ZC3H11A: variants seen among roughly 807,000 people sequenced by gnomAD.
The protein encoded by ZC3H11A is zinc finger CCCH domain-containing protein 11A.
In ZC3H11A, 22 loss-of-function variants were observed where a neutral mutation model predicts 90.8. The ratio of observed to expected loss-of-function variants is 0.24; its 90% CI spans 0.17 to 0.35. The LOEUF is 0.35. Among genes scored for constraint, ZC3H11A ranks in the 10% least tolerant of loss-of-function variants. ZC3H11A has a pLI of 1.00. For missense variants in ZC3H11A, 701 were observed against 964.9 expected (o/e 0.73, Z 3.62); for synonymous variants, 294 against 339.8 (o/e 0.87, Z 1.48).
At chr1:203,832,819 A>G (rs191788338) in intron 9 of ZC3H11A, among the ~76,000 whole-genome samples, 11 of 152,378 alleles carry the variant, frequency 7.2e-5, no homozygotes, top group East Asian at 3.8e-4. Flanking sequence ...GACAGTTAAC[A>G]TCGGAGTAGA....
intron 4 of ZC3H11A, among the ~76,000 whole-genome samples, chr1:203,826,798 A>G (rs61559537): frequency 0.13 from 19,218 of 152,200 alleles, 1,595 homozygotes; most frequent in East Asian, 0.29. Flanking sequence ...AGTACTTCTC[A>G]TATCTTTTTT....
intron 4 of ZC3H11A, among the ~76,000 whole-genome samples, chr1:203,821,438 T>G (rs1220985394): frequency 1.3e-5 from 2 of 152,184 alleles, no homozygotes; most frequent in African/African-American, 4.8e-5. Context: ...ACTTTTATGC[T>G]CCGATTGACC....
rs1312813645 is a variant in ZC3H11A, at chr1:203,795,631, G to T, written c.-1751G>T. Reference sequence around the variant, plus strand: ...TTTACCGGCCGGGCCTTAGAGCGGAGCCTGTAGCCAGGCGCCATCTTTGAC... The same window carrying T: ...TTTACCGGCCGGGCCTTAGAGCGGATCCTGTAGCCAGGCGCCATCTTTGAC... On this transcript the variant is annotated 5_prime_UTR_variant, in exon 1 of 18. Transcript: ENST00000367210. The T allele has an allele frequency of 6.6e-6, 1 of 152,236 alleles. No homozygotes were observed. Among genetic ancestry groups the T allele is most frequent in the Non-Finnish European group, 1.5e-5 (1 of 68,060 alleles). 9.4% of individuals were successfully genotyped at this position (152,236 alleles called of 1,614,324 possible).
chr1:203,804,503 C>T lies in ZC3H11A; in HGVS notation c.-146+1487C>T, dbSNP rs78803398. The stretch of plus-strand genomic sequence containing the variant: ...TGGTCTCTTCCTGTATATCTTTTTA[C>T]TGTGAGTGGTACTCTGCCATCATCT... On this transcript the variant is annotated intron_variant, in intron 2 of 17. Transcript: ENST00000367210. 3.3e-5 allele frequency among the ~76,000 whole-genome samples: 5 copies of T among 152,096 alleles called. 1 individual carries two copies. In the East Asian group the frequency reaches 5.8e-4, roughly 18 times the overall value.
chr1:203,843,855 G>A (rs1329908178), intron 12 of ZC3H11A, among the ~76,000 whole-genome samples: 4 of 151,664 alleles, frequency 2.6e-5, no homozygotes, highest in Admixed American at 2.0e-4. Context: ...TTCTCGGCCT[G>A]GGATTTCTTC....
At chr1:203,833,733 G>GT in intron 9 of ZC3H11A, 58 bp from the exon 10 acceptor site, 1 of 1,466,132 alleles carries the variant, frequency 6.8e-7, no homozygotes. Context: ...CCCATTAGTA[G>GT]TTACTGAATA....
intron 16 of ZC3H11A, 130 bp downstream of exon 16, chr1:203,850,811 T>G: frequency 7.5e-7 from 1 of 1,334,642 alleles, no homozygotes; most frequent in Non-Finnish European, 1.0e-6. Context: ...GTAATTTGGG[T>G]TACTACTGTA....
chr1:203,798,898 AGT>A, intron 1 of ZC3H11A: 1 of 1,536,124 alleles, frequency 6.5e-7, no homozygotes, highest in Non-Finnish European at 8.7e-7. Flanking sequence ...GCTGTACCTC[AGT>A]TATATGATTG....
intron 12 of ZC3H11A, among the ~76,000 whole-genome samples, chr1:203,841,160 T>TA (rs1430200018): frequency 2.0e-5 from 3 of 150,436 alleles, no homozygotes; most frequent in Admixed American, 6.7e-5. Flanking sequence ...TTTTTTTATT[T>TA]TTTTTTTTAG....
At chr1:203,822,942 G>A (rs899727722) in intron 4 of ZC3H11A, among the ~76,000 whole-genome samples, 2 of 152,134 alleles carry the variant, frequency 1.3e-5, no homozygotes, top group African/African-American at 4.8e-5. Flanking sequence ...CATGTGCCTG[G>A]GGTCAGCTAC....
intron 10 of ZC3H11A, 117 bp from the exon 11 acceptor site, chr1:203,837,849 G>T: frequency 2.2e-6 from 2 of 909,366 alleles, no homozygotes; most frequent in Non-Finnish European, 1.7e-6. Context: ...GAACAAACAC[G>T]CCATATGTAT....
At chr1:203,820,557 G>A (rs756528006) in intron 4 of ZC3H11A, among the ~76,000 whole-genome samples, 2 of 151,800 alleles carry the variant, frequency 1.3e-5, no homozygotes, top group African/African-American at 2.4e-5. Flanking sequence ...AGCTCACTGC[G>A]ACCTCTGCCT....
chr1:203,830,254 A>C (rs563299897), intron 8 of ZC3H11A, 51 bp downstream of exon 8: 6 of 1,417,760 alleles, frequency 4.2e-6, no homozygotes, highest in Non-Finnish European at 5.8e-6. Context: ...AGGGAAGAAT[A>C]CTAAGGACGC....
At chr1:203,820,166 C>T (rs569706584) in intron 4 of ZC3H11A, among the ~76,000 whole-genome samples, 6 of 149,492 alleles carry the variant, frequency 4.0e-5, no homozygotes, top group Non-Finnish European at 5.9e-5. Flanking sequence ...ACCTGGGAGG[C>T]GGAGGTTGCA....
At chr1:203,799,350 A>G in intron 1 of ZC3H11A, 1 of 705,044 alleles carries the variant, frequency 1.4e-6, no homozygotes, top group Non-Finnish European at 2.6e-6. Context: ...AGTGGCTGCC[A>G]GGAAAACTTG....
chr1:203,837,800 A>G (rs1042658279), intron 10 of ZC3H11A, among the ~76,000 whole-genome samples, 166 bp from the exon 11 acceptor site: 2 of 152,102 alleles, frequency 1.3e-5, no homozygotes, highest in Non-Finnish European at 2.9e-5. Context: ...TTTCTCCGAC[A>G]TTTTTATGTT....
chr1:203,821,246 C>T (rs537263199), intron 4 of ZC3H11A, among the ~76,000 whole-genome samples: 3 of 152,300 alleles, frequency 2.0e-5, no homozygotes, highest in South Asian at 2.1e-4. Context: ...GTCCTGTTCA[C>T]CTCCTGCCAT....
In ZC3H11A at chr1:203,839,916, G is replaced by C. The variant is rs150651471; in HGVS notation, c.974-390G>C. On this transcript the variant is annotated intron_variant, in intron 11 of 17. Coordinates refer to ENST00000367210, the MANE Select transcript of ZC3H11A (RefSeq NM_001376342.1). ...CCTCCCGGGTTCAAACGATTCTCCT[G>C]TCTCAGCCTCCAGAGTATCTGAGAT... Among the ~76,000 whole-genome samples, 492 of 152,116 alleles carry C rather than the reference G, an allele frequency of 3.2e-3. 2 individuals are homozygous for C. The highest frequency in any genetic ancestry group is 0.027 in the Middle Eastern group (8 of 292).
At chr1:203,813,019 G>A (rs1342742782) in intron 2 of ZC3H11A, among the ~76,000 whole-genome samples, 3 of 152,048 alleles carry the variant, frequency 2.0e-5, no homozygotes, top group African/African-American at 7.2e-5. Context: ...TTGAATTGGG[G>A]AGTTGTTTTC....
Sources: allele counts gnomAD v4.1 joint callset (sites outside exome capture counted in the v4.1 genomes callset), GRCh38; gene constraint gnomAD v4.1.1; transcripts MANE v1.5; gene names NCBI Gene and HGNC (gene_info 2026-07-23, HGNC 2026-07-21).